IL7: variants seen among roughly 807,000 people sequenced by gnomAD.
IL7 encodes interleukin 7, also known as interleukin-7.
A neutral mutation model predicts 21.6 loss-of-function variants in IL7; 3 were observed. The ratio of observed to expected loss-of-function variants is 0.14; its 90% CI spans 0.06 to 0.36. The LOEUF (loss-of-function observed/expected upper bound fraction) is 0.36, where lower values mean the gene tolerates loss of function less well. Ranked by LOEUF, IL7 falls within the 10% of genes least tolerant of loss-of-function variation. The probability of loss-of-function intolerance (pLI) is 1.00; values close to 1 mark genes in which losing one functional copy is unlikely to be tolerated. For missense variants in IL7, 175 were observed against 200.2 expected, an observed-to-expected ratio of 0.87 and a Z score of 0.76; for synonymous variants, 62 against 68.1, an observed-to-expected ratio of 0.91 and a Z score of 0.44.
intron 3 of IL7, among the ~76,000 whole-genome samples, chr8:78,705,095 T>A (rs1222261536): frequency 6.6e-6 from 1 of 152,206 alleles, no homozygotes; most frequent in East Asian, 1.9e-4. Flanking sequence ...GAATTCTGCT[T>A]CTTTCATTTC....
At chr8:78,679,999 G>C (rs777220109) in intron 4 of IL7, among the ~76,000 whole-genome samples, 3 of 152,090 alleles carry the variant, frequency 2.0e-5, no homozygotes, top group Non-Finnish European at 2.9e-5. Context: ...TGGCTCAAGA[G>C]TCAGACTGTC....
chr8:78,790,142 A>G (rs1813637065), intron 2 of IL7, among the ~76,000 whole-genome samples: 2 of 152,196 alleles, frequency 1.3e-5, no homozygotes, highest in African/African-American at 4.8e-5. Flanking sequence ...CATTAGATTT[A>G]TAAGTTTACA....
At chr8:78,684,732 G>A (rs565142985) in intron 4 of IL7, among the ~76,000 whole-genome samples, 2 of 152,206 alleles carry the variant, frequency 1.3e-5, no homozygotes, top group South Asian at 2.1e-4. Context: ...TTGAGACATA[G>A]CAATGAGGAA....
chr8:78,675,927 C>T (rs1308736615), exon 5 of IL7: 1 of 1,408,976 alleles, frequency 7.1e-7, no homozygotes, highest in Non-Finnish European at 1.0e-6. Context: ...TAATTCTGGT[C>T]AATTCTCATG....
At chr8:78,753,060 A>T (rs1182242333) in intron 2 of IL7, among the ~76,000 whole-genome samples, 2 of 151,976 alleles carry the variant, frequency 1.3e-5, no homozygotes, top group Non-Finnish European at 2.9e-5. Flanking sequence ...CATATATGTG[A>T]ATGTGTCTTT....
At chr8:78,772,941 C>A (rs141301412) in intron 2 of IL7, among the ~76,000 whole-genome samples, 16 of 152,300 alleles carry the variant, frequency 1.1e-4, no homozygotes, top group African/African-American at 3.8e-4. Flanking sequence ...GGCTGACTCA[C>A]AGCTGGATGA....
At chr8:78,734,494 T>A (rs1266620968) in intron 5 of IL7, among the ~76,000 whole-genome samples, 1 of 152,198 alleles carries the variant, frequency 6.6e-6, no homozygotes, top group Non-Finnish European at 1.5e-5. Context: ...GTAGAGTAAT[T>A]CTTCACTTAG....
intron 3 of IL7, among the ~76,000 whole-genome samples, chr8:78,696,323 C>T (rs1007093834): frequency 3.9e-5 from 6 of 152,150 alleles, no homozygotes; most frequent in Admixed American, 2.0e-4. Context: ...CATGAGCCAC[C>T]GTGCCCAGCC....
chr8:78,750,135 T>C (rs1446636783), intron 2 of IL7, among the ~76,000 whole-genome samples: 4 of 152,072 alleles, frequency 2.6e-5, no homozygotes, highest in African/African-American at 9.7e-5. Context: ...TTCTGAGGTT[T>C]TATCAGAGTC....
chr8:78,750,853 T>G, intron 2 of IL7, among the ~76,000 whole-genome samples: 1 of 152,048 alleles, frequency 6.6e-6, no homozygotes, highest in East Asian at 1.9e-4. Flanking sequence ...AGTCTATGAT[T>G]AATATGCTCA....
chr8:78,694,664 G>T (rs530180965), intron 3 of IL7, among the ~76,000 whole-genome samples: 1 of 152,118 alleles, frequency 6.6e-6, no homozygotes, highest in East Asian at 1.9e-4. Flanking sequence ...TAATTGAAAG[G>T]TTGGTCTAAA....
chr8:78,711,297 A>G (rs1333056014), intron 3 of IL7, among the ~76,000 whole-genome samples: 1 of 152,160 alleles, frequency 6.6e-6, no homozygotes, highest in Non-Finnish European at 1.5e-5. Context: ...GATTTAAAAC[A>G]GTGAAATATC....
At chr8:78,736,392 A>G (rs1461377111) in intron 5 of IL7, 82 bp downstream of exon 5, 1 of 831,340 alleles carries the variant, frequency 1.2e-6, no homozygotes, top group Non-Finnish European at 1.9e-6. Flanking sequence ...TATAAGAAGG[A>G]AACAATTCAA....
At chr8:78,728,241 A>T (rs983445212), downstream of IL7, among the ~76,000 whole-genome samples, 1 of 152,124 alleles carries the variant, frequency 6.6e-6, no homozygotes, top group South Asian at 2.1e-4. Flanking sequence ...CTCTGTTGAT[A>T]TTCCAACAAG....
intron 3 of IL7, among the ~76,000 whole-genome samples, chr8:78,687,690 TTACGTAATA>T (rs1810048323): frequency 9.0e-6 from 1 of 111,148 alleles, no homozygotes; most frequent in African/African-American, 3.2e-5. Context: ...TTATATATAT[TTACGTAATA>T]CATTATATAT....
chr8:78,739,743 T>C (rs2130689033), intron 3 of IL7, among the ~76,000 whole-genome samples: 1 of 151,856 alleles, frequency 6.6e-6, no homozygotes, highest in Admixed American at 6.6e-5. Flanking sequence ...GATAGGTGTG[T>C]CTTTGAATTC....
downstream of IL7, among the ~76,000 whole-genome samples, chr8:78,728,681 AAC>A (rs1285593075): frequency 6.6e-6 from 1 of 151,990 alleles, no homozygotes; most frequent in Non-Finnish European, 1.5e-5. Context: ...AAGTGGTAGT[AAC>A]TTTTGTCTCC....
chr8:78,743,109 C>T (rs574637079), intron 2 of IL7, among the ~76,000 whole-genome samples: 3 of 152,236 alleles, frequency 2.0e-5, no homozygotes, highest in South Asian at 2.1e-4. Flanking sequence ...ATGGTGTATA[C>T]GTACCACATT....
Position 78,805,060 on chromosome 8 carries a change from G to A in IL7, c.-138C>T, listed in dbSNP as rs761495821. ...GTTGGGCAGGGTGATCTCTGCAGCTGGTTCCTCTTACCCACGCCGCGACTG... is the reference window on the plus strand; with the variant it reads ...GTTGGGCAGGGTGATCTCTGCAGCTAGTTCCTCTTACCCACGCCGCGACTG... On this transcript the variant is annotated 5_prime_UTR_variant, in exon 1 of 6. Coordinates refer to ENST00000263851, the MANE Select transcript of IL7 (RefSeq NM_000880.4). The A allele has an allele frequency of 1.1e-4, 94 of 885,674 alleles. No homozygotes were observed. Among genetic ancestry groups the A allele is most frequent in the Non-Finnish European group, 1.6e-4 (92 of 582,688 alleles). The allele number at this position is 885,674 out of a possible 1,614,324, so 54.9% of individuals were successfully genotyped here.
Sources: gnomAD v4.1 joint callset for allele counts (sites outside exome capture counted in the v4.1 genomes callset) on GRCh38, gnomAD v4.1.1 for gene constraint, MANE v1.5 for transcripts, NCBI Gene and HGNC (gene_info 2026-07-23, HGNC 2026-07-21) for gene names.